DLC1: variants seen among roughly 807,000 people sequenced by gnomAD.
DLC1 encodes the protein rho GTPase-activating protein 7.
In DLC1, 54 loss-of-function variants were observed where a neutral mutation model predicts 140.3. That is an observed-to-expected ratio of 0.38 (90% CI 0.31 to 0.48). The LOEUF (loss-of-function observed/expected upper bound fraction) is 0.48. DLC1 is among the 20% of genes least tolerant of loss of function. The pLI, the probability that DLC1 is intolerant of heterozygous loss-of-function variation, is 0.96. For synonymous variants in DLC1, 986 were observed against 728.1 expected (o/e 1.35, Z -5.70); for missense variants, 2,536 against 1,907.0 (o/e 1.33, Z -6.14).
chr8:13,256,299 A>T (rs1288382696), intron 5 of DLC1, among the ~76,000 whole-genome samples: 1 of 152,218 alleles, frequency 6.6e-6, no homozygotes, highest in Admixed American at 6.5e-5. Context: ...TTATTGCAAG[A>T]ACAATGACTT....
At chr8:13,400,151 A>C (rs1261441040) in intron 3 of DLC1, among the ~76,000 whole-genome samples, 1 of 152,242 alleles carries the variant, frequency 6.6e-6, no homozygotes, top group Admixed American at 6.5e-5. Flanking sequence ...TATCATAAAG[A>C]TCAAAAAGGA....
At chr8:13,485,245 G>T (rs1800914060) in intron 2 of DLC1, among the ~76,000 whole-genome samples, 1 of 152,144 alleles carries the variant, frequency 6.6e-6, no homozygotes, top group Non-Finnish European at 1.5e-5. Context: ...TCCTGATGCA[G>T]TATAGAAAAC....
At chr8:13,256,351 C>T (rs1586015459) in intron 5 of DLC1, among the ~76,000 whole-genome samples, 1 of 152,152 alleles carries the variant, frequency 6.6e-6, no homozygotes, top group Non-Finnish European at 1.5e-5. Context: ...TAGTTATTGA[C>T]CCAGCAATCC....
intron 4 of DLC1, among the ~76,000 whole-genome samples, chr8:13,348,460 T>C (rs1834473733): frequency 6.6e-6 from 1 of 152,196 alleles, no homozygotes; most frequent in Non-Finnish European, 1.5e-5. Context: ...TTTGGATGGA[T>C]GATTTGGGAA....
At chr8:13,296,189 C>G (rs1239494773) in intron 5 of DLC1, among the ~76,000 whole-genome samples, 1 of 151,886 alleles carries the variant, frequency 6.6e-6, no homozygotes, top group East Asian at 1.9e-4. Context: ...CTCTTGGCCT[C>G]AAGTGATTCG....
intron 1 of DLC1, among the ~76,000 whole-genome samples, chr8:13,602,196 G>A (rs1443458197): frequency 6.6e-6 from 1 of 151,742 alleles, no homozygotes; most frequent in African/African-American, 2.4e-5. Flanking sequence ...AAGAAAAAGT[G>A]TATAAGACAA....
intron 5 of DLC1, among the ~76,000 whole-genome samples, chr8:13,295,234 C>G (rs2117477804): frequency 6.6e-6 from 1 of 152,274 alleles, no homozygotes; most frequent in Non-Finnish European, 1.5e-5. Context: ...TTTACATTAA[C>G]AAGAAGTTTA....
At chr8:13,379,577 A>T (rs289518) in intron 4 of DLC1, among the ~76,000 whole-genome samples, 1 of 152,120 alleles carries the variant, frequency 6.6e-6, no homozygotes, top group Non-Finnish European at 1.5e-5. Context: ...TCATGTCAAA[A>T]AATTCTAAGT....
chr8:13,523,495 A>T (rs1802820341), intron 1 of DLC1, among the ~76,000 whole-genome samples: 1 of 152,202 alleles, frequency 6.6e-6, no homozygotes, highest in Non-Finnish European at 1.5e-5. Context: ...AGTTGGACAT[A>T]TGAATTCAAG....
chr8:13,463,725 G>C (rs1041860507), intron 2 of DLC1, among the ~76,000 whole-genome samples: 1 of 152,174 alleles, frequency 6.6e-6, no homozygotes, highest in African/African-American at 2.4e-5. Context: ...ATTCTCTGAT[G>C]AGGAAACAGG....
At position 13,481,617 on chromosome 8, in the gene DLC1, T is replaced by C. The variant is rs370117393; in HGVS notation, c.1023+17432A>G. Among the ~76,000 whole-genome samples the C allele has an allele frequency of 2.3e-3, 357 of 152,290 alleles. 11 individuals are homozygous for C. In the South Asian group the frequency reaches 0.065, roughly 28 times the overall value. On this transcript the variant is annotated intron_variant, in intron 2 of 17. Coordinates refer to ENST00000276297, the MANE Select transcript of DLC1 (RefSeq NM_182643.3). ...ACTCCATTAGAATGTAAGTTTCTGA[T>C]AGAAAATTTACAGCCCCGTTGTACT...
At chr8:13,197,422 C>A (rs891073430) in intron 5 of DLC1, among the ~76,000 whole-genome samples, 1 of 151,750 alleles carries the variant, frequency 6.6e-6, no homozygotes, top group African/African-American at 2.4e-5. Context: ...GATCTCGGCT[C>A]ACTGCAAACT....
At position 13,401,495 on chromosome 8, in the gene DLC1, G is replaced by A. The variant is rs1316882551; in HGVS notation, c.1148C>T (p.Pro383Leu). ...AGGAACGTGCCGCCGCAGGTTTGTT[G>A]GTGTGCCTGATGGAGAGGAGCTGGT... ...LSTSSSPSGT[P>L]TNLRRHVPDL... The change falls in exon 3 of 18, where the codon CCA becomes CTA. Residue 383 changes from proline to leucine, a missense_variant. Transcript: ENST00000276297. 3 of 1,612,620 alleles carry A rather than the reference G, an allele frequency of 1.9e-6. No individual in the cohort carries two copies. The East Asian group carries it at 6.7e-5, about 36-fold the overall frequency.
intron 4 of DLC1, among the ~76,000 whole-genome samples, chr8:13,388,540 A>C (rs1371284240): frequency 6.6e-6 from 1 of 152,030 alleles, no homozygotes; most frequent in Non-Finnish European, 1.5e-5. Flanking sequence ...ATAAGAACTT[A>C]ATAATTACTA....
intron 1 of DLC1, among the ~76,000 whole-genome samples, chr8:13,551,427 T>G (rs1803847494): frequency 6.6e-6 from 1 of 152,084 alleles, no homozygotes; most frequent in African/African-American, 2.4e-5. Context: ...CTAAAACTAA[T>G]TTGCCTAAGA....
At chr8:13,219,323 T>G (rs1435280923) in intron 5 of DLC1, among the ~76,000 whole-genome samples, 2 of 142,478 alleles carry the variant, frequency 1.4e-5, no homozygotes, top group Non-Finnish European at 3.0e-5. Flanking sequence ...AATAGTTATA[T>G]TCATATAATT....
At chr8:13,377,826 A>G (rs535462983) in intron 4 of DLC1, among the ~76,000 whole-genome samples, 1 of 152,100 alleles carries the variant, frequency 6.6e-6, no homozygotes, top group South Asian at 2.1e-4. Flanking sequence ...ATTTGTGTAA[A>G]TCTATTGGCC....
intron 5 of DLC1, among the ~76,000 whole-genome samples, chr8:13,242,424 C>T (rs1829579911): frequency 6.6e-6 from 1 of 150,778 alleles, no homozygotes; most frequent in Non-Finnish European, 1.5e-5. Flanking sequence ...GAGACAAGGT[C>T]TCTCTCTGTT....
intron 3 of DLC1, among the ~76,000 whole-genome samples, chr8:13,397,485 C>T (rs1379310982): frequency 6.6e-6 from 1 of 152,014 alleles, no homozygotes; most frequent in Non-Finnish European, 1.5e-5. Flanking sequence ...CTGAATTTGT[C>T]AGACAAGAGA....
Sources: gnomAD v4.1 joint callset for allele counts (sites outside exome capture counted in the v4.1 genomes callset) on GRCh38, gnomAD v4.1.1 for gene constraint, MANE v1.5 for transcripts, NCBI Gene and HGNC (gene_info 2026-07-23, HGNC 2026-07-21) for gene names.